CIMAP1D: variants seen among roughly 807,000 people sequenced by gnomAD.
CIMAP1D encodes the protein CIMAP1 family member D.
At chr19:475,034 G>A in the CIMAP1D span, 1 of 332,856 alleles carries the variant, frequency 3.0e-6, no homozygotes, top group Non-Finnish European at 5.4e-6. Flanking sequence ...TCAGCAGAGT[G>A]CGTCTCCCGG....
At chr19:474,632 G>A in the CIMAP1D span, 1 of 1,565,580 alleles carries the variant, frequency 6.4e-7, no homozygotes, top group Non-Finnish European at 8.7e-7. Context: ...GTTCTCCAGG[G>A]TGGCCGTCCC....
the CIMAP1D span, among the ~76,000 whole-genome samples, chr19:475,474 C>T: frequency 6.6e-6 from 1 of 152,086 alleles, no homozygotes. Context: ...AGGTTTGGGG[C>T]CCAGGGTAGC....
At chr19:464,130 G>T in the CIMAP1D span, 1 of 761,696 alleles carries the variant, frequency 1.3e-6, no homozygotes, top group Non-Finnish European at 2.0e-6. Flanking sequence ...AGGATCCTGC[G>T]GGGGGCGGGC....
At chr19:474,702 G>T in the CIMAP1D span, 1 of 1,565,614 alleles carries the variant, frequency 6.4e-7, no homozygotes, top group South Asian at 1.2e-5. Flanking sequence ...CGGCCAAGGG[G>T]GGCTGTGGCC....
At chr19:478,478 C>T in the CIMAP1D span, among the ~76,000 whole-genome samples, 8 of 131,866 alleles carry the variant, frequency 6.1e-5, no homozygotes, top group South Asian at 5.0e-4. Flanking sequence ...GCTGGGAGGA[C>T]GCTGAGGGCC....
the CIMAP1D span, among the ~76,000 whole-genome samples, chr19:465,931 G>GATAC: frequency 6.9e-6 from 1 of 144,458 alleles, no homozygotes; most frequent in African/African-American, 2.6e-5. Context: ...TGGATGGGTG[G>GATAC]ATGGTTGGGT....
chr19:464,363 A>G, the CIMAP1D span: 1 of 1,531,582 alleles, frequency 6.5e-7, no homozygotes, highest in Non-Finnish European at 8.8e-7. Context: ...TCACCTCCGG[A>G]CCTGAGAGAG....
At chr19:478,277 C>A in the CIMAP1D span, among the ~76,000 whole-genome samples, 1 of 110,322 alleles carries the variant, frequency 9.1e-6, no homozygotes, top group African/African-American at 8.2e-5. Flanking sequence ...TTCCCCCAAC[C>A]CCATCCCTCC....
the CIMAP1D span, among the ~76,000 whole-genome samples, chr19:482,323 T>A: frequency 8.3e-4 from 127 of 152,252 alleles, no homozygotes; most frequent in Middle Eastern, 6.8e-3. Flanking sequence ...GGACGCTGTG[T>A]CGGGCAGCAC....
At chr19:474,264 G>A in the CIMAP1D span, among the ~76,000 whole-genome samples, 2 of 152,100 alleles carry the variant, frequency 1.3e-5, no homozygotes, top group South Asian at 2.1e-4. Context: ...CGCGCCCCTC[G>A]CCCTGCCCCA....
chr19:485,328 C>G, the CIMAP1D span, among the ~76,000 whole-genome samples: 2 of 152,214 alleles, frequency 1.3e-5, no homozygotes, highest in African/African-American at 4.8e-5. Flanking sequence ...CGGGCGTGCC[C>G]GAGCCCCGTG....
the CIMAP1D span, among the ~76,000 whole-genome samples, chr19:469,197 C>T: frequency 6.6e-6 from 1 of 151,234 alleles, no homozygotes; most frequent in African/African-American, 2.4e-5. Context: ...TACAGTCCCC[C>T]AGGACTGGAA....
the CIMAP1D span, chr19:472,600 C>G: frequency 7.1e-5 from 61 of 855,258 alleles, no homozygotes; most frequent in Non-Finnish European, 9.9e-5. Flanking sequence ...TCCCCTCTCC[C>G]TCCATGGTGA....
the CIMAP1D span, among the ~76,000 whole-genome samples, chr19:491,144 G>A: frequency 1.3e-5 from 2 of 151,798 alleles, no homozygotes; most frequent in South Asian, 2.1e-4. Context: ...GAGCATGGTG[G>A]CACGTGCCTA....
chr19:476,436 C>T, the CIMAP1D span, among the ~76,000 whole-genome samples: 3 of 152,110 alleles, frequency 2.0e-5, no homozygotes, highest in Admixed American at 2.0e-4. Flanking sequence ...GTGATCCACA[C>T]ACCTCGGCCT....
At chr19:488,640 A>G in the CIMAP1D span, among the ~76,000 whole-genome samples, 19,096 of 152,220 alleles carry the variant, frequency 0.13, 2,332 homozygotes, top group African/African-American at 0.31. Flanking sequence ...CTGACCCGCG[A>G]AGCGGGCCGG....
At chr19:487,896 T>A in the CIMAP1D span, among the ~76,000 whole-genome samples, 1 of 152,224 alleles carries the variant, frequency 6.6e-6, no homozygotes. Context: ...GAGCGACCCC[T>A]GACCTACTGG....
At chr19:487,485 A>T in the CIMAP1D span, among the ~76,000 whole-genome samples, 249 of 152,302 alleles carry the variant, frequency 1.6e-3, no homozygotes, top group African/African-American at 5.7e-3. Flanking sequence ...CACTTAAAAC[A>T]ACGCTTGGCA....
chr19:464,157 A>G, the CIMAP1D span: 3 of 1,498,232 alleles, frequency 2.0e-6, no homozygotes, highest in South Asian at 1.3e-5. Flanking sequence ...GGTGCGGCCC[A>G]CCACCGTGTA....
Sources: gnomAD v4.1 joint callset for allele counts (sites outside exome capture counted in the v4.1 genomes callset) on GRCh38, gnomAD v4.1.1 for gene constraint, MANE v1.5 for transcripts, NCBI Gene and HGNC (gene_info 2026-07-23, HGNC 2026-07-21) for gene names.